Variants in FTCDNL1 observed in about 807,000 individuals in gnomAD.
The protein encoded by FTCDNL1 is formiminotransferase cyclodeaminase N-terminal like, also known as formiminotransferase N-terminal subdomain-containing protein.
FTCDNL1 carries 11 observed loss-of-function variants against 5.9 expected under a neutral mutation model. The observed-to-expected ratio is 1.87, with a 90% CI of 1.18 to 3.10. FTCDNL1 has a LOEUF of 3.10. Among genes scored for constraint, FTCDNL1 ranks in the 30% most tolerant of loss-of-function variants. The pLI is 0.00. For synonymous variants in FTCDNL1, 58 were observed against 24.8 expected, an observed-to-expected ratio of 2.34 and a Z score of -3.99; for missense variants, 115 against 65.5, an observed-to-expected ratio of 1.76 and a Z score of -2.61.
the FTCDNL1 span, among the ~76,000 whole-genome samples, chr2:199,726,290 T>G: frequency 6.6e-6 from 1 of 152,200 alleles, no homozygotes; most frequent in African/African-American, 2.4e-5. Context: ...GCTCATGTAA[T>G]GTTTTATCAT....
the FTCDNL1 span, among the ~76,000 whole-genome samples, chr2:199,686,522 T>C: frequency 6.6e-6 from 1 of 152,350 alleles, no homozygotes; most frequent in South Asian, 2.1e-4. Context: ...ATAAGCTATC[T>C]ACCATGTATC....
At chr2:199,682,623 A>G in the FTCDNL1 span, among the ~76,000 whole-genome samples, 1 of 152,230 alleles carries the variant, frequency 6.6e-6, no homozygotes, top group Non-Finnish European at 1.5e-5. Flanking sequence ...TGTTTGTATG[A>G]GCAGGGTTGT....
At chr2:199,679,494 A>T in the FTCDNL1 span, among the ~76,000 whole-genome samples, 1 of 151,940 alleles carries the variant, frequency 6.6e-6, no homozygotes, top group Non-Finnish European at 1.5e-5. Flanking sequence ...ATTTGACCTT[A>T]CCACTAGCAT....
At chr2:199,788,457 T>G (rs1699765978) in intron 3 of FTCDNL1, among the ~76,000 whole-genome samples, 1 of 152,058 alleles carries the variant, frequency 6.6e-6, no homozygotes, top group Non-Finnish European at 1.5e-5. Flanking sequence ...TTAAAAGCAC[T>G]CTCTTGAATA....
chr2:199,787,404 G>A (rs1173626455), intron 3 of FTCDNL1, among the ~76,000 whole-genome samples: 7 of 151,930 alleles, frequency 4.6e-5, no homozygotes, highest in Admixed American at 2.6e-4. Flanking sequence ...GGCTGGTCTC[G>A]AACTCCTGGG....
chr2:199,685,728 C>G, the FTCDNL1 span, among the ~76,000 whole-genome samples: 1 of 152,166 alleles, frequency 6.6e-6, no homozygotes, highest in African/African-American at 2.4e-5. Flanking sequence ...GTTTATAAAT[C>G]CAGGAGTTTT....
the FTCDNL1 span, among the ~76,000 whole-genome samples, chr2:199,718,542 T>C: frequency 6.6e-6 from 1 of 152,166 alleles, no homozygotes; most frequent in Non-Finnish European, 1.5e-5. Context: ...GTATAATGAT[T>C]TTTTTCCCTT....
At chr2:199,834,838 T>A (rs1227029797) in intron 3 of FTCDNL1, among the ~76,000 whole-genome samples, 1 of 152,220 alleles carries the variant, frequency 6.6e-6, no homozygotes, top group African/African-American at 2.4e-5. Context: ...TGCTACGTTA[T>A]ATAAACTTTG....
chr2:199,821,612 C>A (rs977178028), intron 3 of FTCDNL1, among the ~76,000 whole-genome samples: 1 of 151,762 alleles, frequency 6.6e-6, no homozygotes, highest in Non-Finnish European at 1.5e-5. Flanking sequence ...TTACAGGAAC[C>A]CGCTACCACA....
At chr2:199,756,289 CAATT>C (rs917143292), downstream of FTCDNL1, among the ~76,000 whole-genome samples, 1 of 152,000 alleles carries the variant, frequency 6.6e-6, no homozygotes, top group Non-Finnish European at 1.5e-5. Flanking sequence ...AGAATCTTCT[CAATT>C]TATTTATGAA....
At chr2:199,819,419 G>C (rs1191145212) in intron 4 of FTCDNL1, 153 bp downstream of exon 4, 3 of 605,636 alleles carry the variant, frequency 5.0e-6, no homozygotes, top group Admixed American at 5.8e-5. Context: ...AAAGGGCCTG[G>C]GTGAGAGTAA....
chr2:199,786,918 T>C (rs1298363439), intron 3 of FTCDNL1, among the ~76,000 whole-genome samples: 1 of 152,192 alleles, frequency 6.6e-6, no homozygotes, highest in Non-Finnish European at 1.5e-5. Flanking sequence ...CATTCCTCTA[T>C]GGTTCTAGGG....
At chr2:199,805,207 C>T (rs971194182), downstream of FTCDNL1, among the ~76,000 whole-genome samples, 3 of 152,296 alleles carry the variant, frequency 2.0e-5, no homozygotes, top group Non-Finnish European at 2.9e-5. Flanking sequence ...CATCCTCCAC[C>T]CCTGCAGCCT....
At chr2:199,743,171 A>G in the FTCDNL1 span, among the ~76,000 whole-genome samples, 2 of 152,122 alleles carry the variant, frequency 1.3e-5, no homozygotes, top group Non-Finnish European at 2.9e-5. Context: ...TCAACAGCCC[A>G]TGTGGATCTG....
At chr2:199,734,088 G>A in the FTCDNL1 span, among the ~76,000 whole-genome samples, 2 of 152,104 alleles carry the variant, frequency 1.3e-5, no homozygotes, top group South Asian at 4.1e-4. Context: ...GGGCAAGCCT[G>A]GTTTCCTGAA....
the FTCDNL1 span, among the ~76,000 whole-genome samples, chr2:199,735,109 C>A: frequency 0.13 from 16,298 of 126,132 alleles, 1,177 homozygotes; most frequent in Middle Eastern, 0.27. Context: ...AAAGCCACTA[C>A]CTTTAGAAAA....
the FTCDNL1 span, among the ~76,000 whole-genome samples, chr2:199,751,110 C>A: frequency 6.6e-6 from 1 of 152,244 alleles, no homozygotes; most frequent in East Asian, 1.9e-4. Context: ...GGAAAGTGGA[C>A]GTAACACTTA....
chr2:199,692,584 C>T, the FTCDNL1 span, among the ~76,000 whole-genome samples: 2 of 152,132 alleles, frequency 1.3e-5, no homozygotes, highest in Admixed American at 6.5e-5. Flanking sequence ...TATAGATCTA[C>T]CATTTGATCA....
chr2:199,703,151 C>T, the FTCDNL1 span, among the ~76,000 whole-genome samples: 402 of 152,038 alleles, frequency 2.6e-3, 2 homozygotes, highest in Non-Finnish European at 3.1e-3. Flanking sequence ...GTGTGCTGCA[C>T]CCATTAACTC....
Sources: allele counts gnomAD v4.1 joint callset (sites outside exome capture counted in the v4.1 genomes callset), GRCh38; gene constraint gnomAD v4.1.1; transcripts MANE v1.5; gene names NCBI Gene and HGNC (gene_info 2026-07-23, HGNC 2026-07-21).